The following COL24A1 variants were observed in gnomAD, a reference collection of about 807,000 sequenced individuals.
The protein encoded by COL24A1 is collagen alpha-1(XXIV) chain.
A neutral mutation model predicts 253.9 loss-of-function variants in COL24A1; 224 were observed. The ratio of observed to expected loss-of-function variants is 0.88; its 90% CI spans 0.79 to 0.99. The LOEUF is 0.99. Ranked by LOEUF, COL24A1 falls within the 50% of genes least tolerant of loss-of-function variation. The pLI, the probability that COL24A1 is intolerant of heterozygous loss-of-function variation, is 0.00. For missense variants in COL24A1, 2,131 were observed against 2,068.5 expected (o/e 1.03, Z -0.59); for synonymous variants, 685 against 673.7 (o/e 1.02, Z -0.26).
intron 20 of COL24A1, among the ~76,000 whole-genome samples, chr1:85,975,571 C>T (rs1046212942): frequency 6.6e-6 from 1 of 152,118 alleles, no homozygotes; most frequent in Non-Finnish European, 1.5e-5. Flanking sequence ...AAATTGATCT[C>T]ATGGAGATAG....
At position 85,958,458 on chromosome 1, in the gene COL24A1, G is replaced by A. The variant is rs529528039; in HGVS notation, c.2562+2791C>T. The stretch of plus-strand genomic sequence containing the variant: ...ACCTCCAATAGACTGTAAATTCCAT[G>A]AAGGTAGGGACCATATGTTTAAAAA... On this transcript the variant is annotated intron_variant, in intron 24 of 59. Transcript: ENST00000370571. Among the ~76,000 whole-genome samples the A allele has an allele frequency of 3.9e-5, 6 of 152,118 alleles. No homozygotes were observed. The East Asian group carries it at 1.2e-3, about 29-fold the overall frequency.
chr1:86,046,803 C>CA, intron 12 of COL24A1, 22 bp downstream of exon 12: 2 of 1,611,306 alleles, frequency 1.2e-6, no homozygotes, highest in Non-Finnish European at 1.7e-6. Flanking sequence ...AAATAAACCT[C>CA]AAAAAACACA....
chr1:85,867,911 A>G (rs1679980169), intron 37 of COL24A1, among the ~76,000 whole-genome samples: 1 of 152,022 alleles, frequency 6.6e-6, no homozygotes. Context: ...TGCCCAGCTA[A>G]TTTTTGTATT....
chr1:86,148,067 G>A (rs1225578842), intron 1 of COL24A1, among the ~76,000 whole-genome samples: 1 of 152,118 alleles, frequency 6.6e-6, no homozygotes, highest in East Asian at 1.9e-4. Context: ...TACATTCTGA[G>A]GACCACTACT....
intron 7 of COL24A1, among the ~76,000 whole-genome samples, chr1:86,064,484 T>C (rs1376549153): frequency 6.6e-6 from 1 of 152,166 alleles, no homozygotes; most frequent in Non-Finnish European, 1.5e-5. Context: ...AAGAAAAATT[T>C]TGGAGCTTAT....
rs1046310396 is a variant in COL24A1 at position 85,842,503 on chromosome 1, A to G, written c.3463-110T>C. On this transcript the variant is annotated intron_variant, in intron 39 of 59. Transcript: ENST00000370571. ...GTTACCTTTAGATTTTTCATGGTTG[A>G]AATTTACCTAGTTTGAAATAGGAAA... 2.1e-5 allele frequency: 16 copies of G among 761,478 alleles called. No homozygotes were observed. In the African/African-American group the frequency reaches 2.8e-4, roughly 13 times the overall value. The allele number at this position is 761,478 out of a possible 1,614,324, so 47.2% of individuals were successfully genotyped here.
chr1:86,005,334 A>T (rs1449497188), intron 19 of COL24A1, among the ~76,000 whole-genome samples: 2 of 152,096 alleles, frequency 1.3e-5, no homozygotes, highest in African/African-American at 4.8e-5. Flanking sequence ...AACATATATT[A>T]GGTAAAAAAG....
chr1:86,103,819 T>G (rs1704686541), intron 5 of COL24A1, among the ~76,000 whole-genome samples: 1 of 152,224 alleles, frequency 6.6e-6, no homozygotes, highest in Non-Finnish European at 1.5e-5. Context: ...TTAACATTTT[T>G]CCTTTCCTTT....
rs111825281 is a variant in COL24A1 at position 86,064,381 on chromosome 1, C to T, written c.1708-622G>A. Among the ~76,000 whole-genome samples the T allele has an allele frequency of 1.6e-4, 25 of 152,100 alleles. 1 individual carries two copies. The highest frequency in any genetic ancestry group is 5.8e-4 in the African/African-American group (24 of 41,502). ...ATCTTAATCTCTATAAATTAACACC[C>T]AAAGCTATAAAACAGACAATATCCT... On this transcript the variant is annotated intron_variant, in intron 7 of 59. Coordinates refer to ENST00000370571, the MANE Select transcript of COL24A1 (RefSeq NM_152890.7).
chr1:86,125,129 C>A lies in COL24A1; in HGVS notation c.1207G>T (p.Asp403Tyr), dbSNP rs754947727. 4.3e-5 allele frequency: 69 copies of A among 1,613,286 alleles called. No homozygotes were observed. Among genetic ancestry groups the A allele is most frequent in the Non-Finnish European group, 5.4e-5 (64 of 1,179,716 alleles). The part of the protein sequence containing the change: ...MPSILPQIKQ[D>Y]TITNLKKAIT... ...GCCTTCTTGAGATTAGTAATTGTAT[C>A]TTGTTTAATTTGTGGAAGAATAGAT... The change falls in exon 3 of 60, where the codon GAT (aspartate) becomes TAT (tyrosine). Residue 403 changes from aspartate (D) to tyrosine (Y), a missense_variant. Transcript: ENST00000370571.
chr1:86,066,525 T>C (rs1176159639), intron 7 of COL24A1, among the ~76,000 whole-genome samples: 1 of 151,840 alleles, frequency 6.6e-6, no homozygotes, highest in African/African-American at 2.4e-5. Context: ...ATTACAGGCG[T>C]GAGCCACTGC....
intron 45 of COL24A1, among the ~76,000 whole-genome samples, chr1:85,820,886 A>C (rs1490504398): frequency 6.6e-6 from 1 of 152,176 alleles, no homozygotes. Context: ...TGATAAGGGA[A>C]ATATTTTTTA....
intron 1 of COL24A1, among the ~76,000 whole-genome samples, chr1:86,150,817 ACATT>A (rs1652658135): frequency 2.0e-5 from 3 of 152,182 alleles, no homozygotes; most frequent in Non-Finnish European, 2.9e-5. Flanking sequence ...TCAAGTTTCC[ACATT>A]AGCAGTAGAT....
Position 86,125,913 on chromosome 1 carries a change from T to A in COL24A1, c.423A>T (p.Lys141Asn). Reference protein sequence around the residue: ...LQLGVQLLPKKLVVHIRGKQP... With the variant: ...LQLGVQLLPKNLVVHIRGKQP... ...GCTTTCCTCTAATGTGTACTACTAA[T>A]TTTTTAGGTAGTAATTGTACTCCTA... Residue 141 changes from lysine (K) to asparagine (N), a missense_variant, in exon 3 of 60, where the codon AAA (lysine) becomes AAT (asparagine). By Grantham distance (94) the Lys-to-Asn change is moderately conservative. Transcript: ENST00000370571. 1 of 1,613,094 alleles carries A rather than the reference T, an allele frequency of 6.2e-7. No individual in the cohort carries two copies. Among genetic ancestry groups the A allele is most frequent in the East Asian group, 2.2e-5 (1 of 44,842 alleles).
chr1:85,883,475 C>T (rs1251332129), intron 32 of COL24A1, among the ~76,000 whole-genome samples: 1 of 152,036 alleles, frequency 6.6e-6, no homozygotes, highest in African/African-American at 2.4e-5. Context: ...CCTGCCTCGG[C>T]CTCCTAAAGT....
chr1:85,879,728 T>C (rs575758644), intron 32 of COL24A1, among the ~76,000 whole-genome samples: 1 of 152,290 alleles, frequency 6.6e-6, no homozygotes, highest in East Asian at 1.9e-4. Flanking sequence ...AAGTAGAGCA[T>C]CATCAAGATC....
chr1:85,736,674 T>C lies in COL24A1; in HGVS notation c.4782+722A>G, dbSNP rs537071971. The C allele has an allele frequency of 1.1e-4, 38 of 352,390 alleles. No individual in the cohort carries two copies. In the Admixed American group the frequency reaches 1.2e-3, roughly 12 times the overall value. The allele number at this position is 352,390 out of a possible 1,614,324, so 21.8% of individuals were successfully genotyped here. On this transcript the variant is annotated intron_variant, in intron 58 of 59. Coordinates refer to ENST00000370571, the MANE Select transcript of COL24A1 (RefSeq NM_152890.7). ...TTGAATTTTATCTGCTGTCTTTTTA[T>C]GATGAACAAAACACACAATAGGCAC...
chr1:85,989,410 C>T (rs1694023117), intron 19 of COL24A1, among the ~76,000 whole-genome samples: 1 of 151,800 alleles, frequency 6.6e-6, no homozygotes. Flanking sequence ...TACTAAGCCC[C>T]ATCCATTACA....
intron 22 of COL24A1, among the ~76,000 whole-genome samples, chr1:85,968,660 A>G (rs889769507): frequency 1.4e-4 from 21 of 152,072 alleles, no homozygotes; most frequent in African/African-American, 5.1e-4. Context: ...TATAAAACCA[A>G]TTCTATTTTT....
Sources: allele counts gnomAD v4.1 joint callset (sites outside exome capture counted in the v4.1 genomes callset), GRCh38; gene constraint gnomAD v4.1.1; transcripts MANE v1.5; gene names NCBI Gene and HGNC (gene_info 2026-07-23, HGNC 2026-07-21).